MRTFB: variants seen among roughly 807,000 people sequenced by gnomAD.
The protein encoded by MRTFB is myocardin related transcription factor B.
Under a neutral mutation model 104.2 loss-of-function variants are expected in MRTFB, and 29 were observed. The ratio of observed to expected loss-of-function variants is 0.28; its 90% CI spans 0.21 to 0.38. The LOEUF (loss-of-function observed/expected upper bound fraction) is 0.38, where lower values mean the gene tolerates loss of function less well. Ranked by LOEUF, MRTFB falls within the 10% of genes least tolerant of loss-of-function variation. MRTFB has a pLI of 1.00. For synonymous variants in MRTFB, 535 were observed against 519.5 expected (o/e 1.03, Z -0.41); for missense variants, 1,270 against 1,341.6 (o/e 0.95, Z 0.83).
At chr16:14,073,095 A>G (rs2033821496) in intron 1 of MRTFB, among the ~76,000 whole-genome samples, 1 of 152,080 alleles carries the variant, frequency 6.6e-6, no homozygotes, top group South Asian at 2.1e-4. Flanking sequence ...GTTTTCCCTT[A>G]CTCTATTTAA....
the MRTFB span, among the ~76,000 whole-genome samples, chr16:14,038,134 G>A: frequency 6.6e-6 from 1 of 152,076 alleles, no homozygotes; most frequent in Non-Finnish European, 1.5e-5. Context: ...CAGCAGGGTT[G>A]GTTTCTTCTG....
At chr16:14,038,746 T>C in the MRTFB span, among the ~76,000 whole-genome samples, 1 of 152,188 alleles carries the variant, frequency 6.6e-6, no homozygotes, top group Non-Finnish European at 1.5e-5. Context: ...GGCTGGCTGG[T>C]TCTGGTTCAT....
intron 2 of MRTFB, among the ~76,000 whole-genome samples, chr16:14,098,098 C>G (rs2035494488): frequency 6.6e-6 from 1 of 152,130 alleles, no homozygotes; most frequent in Non-Finnish European, 1.5e-5. Flanking sequence ...ACTCTGTTAT[C>G]TCTTGAGTAA....
At chr16:14,001,336 G>A in the MRTFB span, among the ~76,000 whole-genome samples, 1 of 152,160 alleles carries the variant, frequency 6.6e-6, no homozygotes, top group Non-Finnish European at 1.5e-5. Context: ...TATCTGCTGT[G>A]AGCGCCCTCC....
chr16:14,149,534 C>T (rs184308332), intron 3 of MRTFB: 2 of 152,102 alleles, frequency 1.3e-5, no homozygotes, highest in Non-Finnish European at 2.9e-5. Context: ...ACCACTGCCA[C>T]GTATTATAGG....
chr16:14,137,565 G>T (rs1365052695), intron 2 of MRTFB, among the ~76,000 whole-genome samples: 1 of 152,004 alleles, frequency 6.6e-6, no homozygotes, highest in South Asian at 2.1e-4. Context: ...ATTTTATTTT[G>T]TATGAATAAA....
At chr16:14,186,801 G>C (rs764255366) in intron 3 of MRTFB, 15 of 1,561,738 alleles carry the variant, frequency 9.6e-6, no homozygotes, top group South Asian at 1.2e-5. Flanking sequence ...TTGGGGTATT[G>C]TGGGGAGCAA....
chr16:14,222,387 T>TAA (rs914652510), intron 8 of MRTFB, among the ~76,000 whole-genome samples: 2 of 152,192 alleles, frequency 1.3e-5, no homozygotes, highest in African/African-American at 4.8e-5. Flanking sequence ...CACAAATTCA[T>TAA]AAACTTTCTT....
chr16:14,051,571 T>TACAC, the MRTFB span, among the ~76,000 whole-genome samples: 1 of 150,716 alleles, frequency 6.6e-6, no homozygotes, highest in African/African-American at 2.4e-5. Flanking sequence ...CTCATACAAA[T>TACAC]ACACACACAC....
rs142979109 is a variant in MRTFB at position 14,164,649 on chromosome 16, C to G, written c.154+23889C>G. 6.8e-3 allele frequency among the ~76,000 whole-genome samples: 1,042 copies of G among 152,326 alleles called. 4 individuals are homozygous for G. Among genetic ancestry groups the G allele is most frequent in the Non-Finnish European group, 0.011 (762 of 68,030 alleles). On this transcript the variant is annotated intron_variant, in intron 3 of 16. Transcript: ENST00000571589. ...TTAGTGGCTTCACATGTGCCAGGCA[C>G]TGCACTTGGTGCTTTTTGCATTGTC...
chr16:14,230,550 C>T (rs1182886676), intron 8 of MRTFB, among the ~76,000 whole-genome samples: 1 of 152,042 alleles, frequency 6.6e-6, no homozygotes, highest in Non-Finnish European at 1.5e-5. Flanking sequence ...CATCACTGGC[C>T]ATCAGAGAAA....
the MRTFB span, among the ~76,000 whole-genome samples, chr16:14,042,939 T>G: frequency 6.6e-6 from 1 of 152,138 alleles, no homozygotes; most frequent in Non-Finnish European, 1.5e-5. Context: ...TTGTTTTTGC[T>G]AAGTTGTTTG....
chr16:14,050,301 A>AAAGC, the MRTFB span, among the ~76,000 whole-genome samples: 3 of 152,216 alleles, frequency 2.0e-5, no homozygotes, highest in African/African-American at 7.2e-5. Context: ...ATAGAAATTA[A>AAAGC]AAGCAAGCAA....
At chr16:14,096,673 A>C (rs1312994642) in intron 2 of MRTFB, among the ~76,000 whole-genome samples, 1 of 152,226 alleles carries the variant, frequency 6.6e-6, no homozygotes, top group Non-Finnish European at 1.5e-5. Context: ...GTAAAATGTC[A>C]CTTTCATACT....
intron 3 of MRTFB, among the ~76,000 whole-genome samples, chr16:14,208,393 G>A (rs746926762): frequency 1.3e-5 from 2 of 152,158 alleles, no homozygotes; most frequent in Non-Finnish European, 2.9e-5. Context: ...ACAAATGTGT[G>A]CTTTCATTGT....
chr16:14,010,646 G>A, the MRTFB span, among the ~76,000 whole-genome samples: 1 of 151,824 alleles, frequency 6.6e-6, no homozygotes, highest in East Asian at 1.9e-4. Context: ...GGCTGGTCTC[G>A]AACTCCTGGG....
chr16:14,195,449 C>G (rs1015195141), intron 3 of MRTFB: 1 of 836,430 alleles, frequency 1.2e-6, no homozygotes, highest in African/African-American at 1.8e-5. Flanking sequence ...GGTATATGTA[C>G]AAATGTGTAT....
intron 3 of MRTFB, among the ~76,000 whole-genome samples, chr16:14,161,268 T>C (rs1455509075): frequency 6.6e-6 from 1 of 152,008 alleles, no homozygotes; most frequent in African/African-American, 2.4e-5. Context: ...TTATAACATA[T>C]AGTACTTTAG....
At chr16:14,044,046 C>G in the MRTFB span, among the ~76,000 whole-genome samples, 1 of 152,172 alleles carries the variant, frequency 6.6e-6, no homozygotes, top group Non-Finnish European at 1.5e-5. Flanking sequence ...TGACTTCTGC[C>G]ATTTAGGTGA....
Sources: gnomAD v4.1 joint callset for allele counts (sites outside exome capture counted in the v4.1 genomes callset) on GRCh38, gnomAD v4.1.1 for gene constraint, MANE v1.5 for transcripts, NCBI Gene and HGNC (gene_info 2026-07-23, HGNC 2026-07-21) for gene names.